Variants in GSG1L observed in about 807,000 individuals in gnomAD.
GSG1L encodes the protein germ cell-specific gene 1-like protein.
A neutral mutation model predicts 42.1 loss-of-function variants in GSG1L; 24 were observed. That is an observed-to-expected ratio of 0.57 (90% CI 0.41 to 0.80). The LOEUF (loss-of-function observed/expected upper bound fraction) is 0.80, where lower values mean the gene tolerates loss of function less well. GSG1L is among the 30% of genes least tolerant of loss of function. The pLI, the probability that GSG1L is intolerant of heterozygous loss-of-function variation, is 0.00. For missense variants in GSG1L, 445 were observed against 472.2 expected (o/e 0.94, Z 0.53); for synonymous variants, 215 against 203.5 (o/e 1.06, Z -0.48).
chr16:27,865,937 G>C (rs1271009778), intron 3 of GSG1L, among the ~76,000 whole-genome samples: 3 of 152,028 alleles, frequency 2.0e-5, no homozygotes, highest in African/African-American at 7.2e-5. Flanking sequence ...CTGAGCTCAA[G>C]TGATCCTCCC....
intron 2 of GSG1L, among the ~76,000 whole-genome samples, chr16:27,891,557 T>C (rs372604614): frequency 5.3e-5 from 8 of 152,132 alleles, no homozygotes; most frequent in African/African-American, 1.9e-4. Context: ...ACTGCAGCCT[T>C]AACCTCCTGA....
intron 5 of GSG1L, among the ~76,000 whole-genome samples, chr16:27,827,925 T>TCATCCATC (rs1168416050): frequency 1.3e-5 from 1 of 78,852 alleles, no homozygotes; most frequent in Non-Finnish European, 2.8e-5. Context: ...CATCCACCAC[T>TCATCCATC]CATCCATCCA....
chr16:27,884,708 C>A lies in GSG1L; in HGVS notation c.398-70G>T. The A allele has an allele frequency of 7.0e-7, 1 of 1,425,532 alleles. No individual in the cohort carries two copies. The highest frequency in any genetic ancestry group is 9.5e-7 in the Non-Finnish European group (1 of 1,047,310). The allele number at this position is 1,425,532 out of a possible 1,614,324, so 88.3% of individuals were successfully genotyped here. On this transcript the variant is annotated intron_variant, in intron 2 of 6. Transcript: ENST00000447459. The surrounding 1 kb of genome is among the most constrained non-coding windows in gnomAD (Gnocchi z 4.4). ...AGATAGACTCACCCTGTGCCTATTC[C>A]TCCCACAACAGCAGAGGGTAGCAAG...
chr16:27,875,852 G>A (rs734432), intron 3 of GSG1L, among the ~76,000 whole-genome samples: 49,965 of 152,048 alleles, frequency 0.33, 8,410 homozygotes, highest in African/African-American at 0.4. Flanking sequence ...TGGGCTACTT[G>A]TAGCCATCCT....
At chr16:27,979,171 A>G (rs1374068955) in intron 1 of GSG1L, among the ~76,000 whole-genome samples, 1 of 152,186 alleles carries the variant, frequency 6.6e-6, no homozygotes, top group African/African-American at 2.4e-5. Flanking sequence ...CAAACAAGCC[A>G]GGCATGGTGG....
intron 1 of GSG1L, among the ~76,000 whole-genome samples, chr16:28,000,471 T>A (rs2085569139): frequency 1.3e-5 from 2 of 152,236 alleles, no homozygotes; most frequent in South Asian, 4.1e-4. Context: ...AGGAGTTGGC[T>A]GGGTCTTGCA....
At chr16:27,881,417 T>G (rs528873633) in intron 3 of GSG1L, among the ~76,000 whole-genome samples, 2 of 152,078 alleles carry the variant, frequency 1.3e-5, no homozygotes, top group South Asian at 4.2e-4. Context: ...AATTTTTGTA[T>G]TTTTAGTAGA....
chr16:27,867,277 C>T (rs1225656831), intron 3 of GSG1L, among the ~76,000 whole-genome samples: 2 of 152,200 alleles, frequency 1.3e-5, no homozygotes. Context: ...CTGCATGGCT[C>T]TCAGCCCAGC....
At chr16:28,014,843 A>G (rs1383928934) in intron 1 of GSG1L, among the ~76,000 whole-genome samples, 1 of 151,894 alleles carries the variant, frequency 6.6e-6, no homozygotes, top group East Asian at 1.9e-4. Flanking sequence ...ATGAATACCT[A>G]TTTGGTATAA....
At chr16:27,799,646 A>G (rs1006568900) in intron 6 of GSG1L, among the ~76,000 whole-genome samples, 2 of 152,136 alleles carry the variant, frequency 1.3e-5, no homozygotes, top group African/African-American at 2.4e-5. Context: ...GCAGGAGGGG[A>G]AGGCGAGAGA....
intron 2 of GSG1L, among the ~76,000 whole-genome samples, chr16:27,892,449 C>T (rs1045261463): frequency 6.6e-6 from 1 of 151,800 alleles, no homozygotes; most frequent in African/African-American, 2.4e-5. Context: ...GAAGCGAGAC[C>T]CTGTCTCAAA....
chr16:27,906,954 G>A (rs781676012), intron 2 of GSG1L, among the ~76,000 whole-genome samples: 19 of 152,082 alleles, frequency 1.2e-4, no homozygotes, highest in Admixed American at 6.5e-4. Context: ...CTTGGAAATA[G>A]AACCCACTTT....
chr16:27,997,098 G>T (rs968867388), intron 1 of GSG1L, among the ~76,000 whole-genome samples: 3 of 152,110 alleles, frequency 2.0e-5, no homozygotes, highest in East Asian at 1.9e-4. Context: ...GTCCACCATG[G>T]TTCTCACTAG....
At chr16:28,054,351 T>C (rs1261974836) in intron 1 of GSG1L, among the ~76,000 whole-genome samples, 1 of 152,146 alleles carries the variant, frequency 6.6e-6, no homozygotes, top group Admixed American at 6.5e-5. Context: ...TGGGGCCAAG[T>C]CCTCTTCCAT....
At chr16:27,906,218 C>G (rs917775570) in intron 2 of GSG1L, among the ~76,000 whole-genome samples, 1 of 152,158 alleles carries the variant, frequency 6.6e-6, no homozygotes, top group Non-Finnish European at 1.5e-5. Context: ...TTAATTCAAC[C>G]TCTCTCGTAA....
intron 4 of GSG1L, among the ~76,000 whole-genome samples, chr16:27,830,007 A>C (rs982258167): frequency 6.6e-6 from 1 of 152,184 alleles, no homozygotes; most frequent in Admixed American, 6.5e-5. Flanking sequence ...CTTGATGTAC[A>C]TGCTGAGCCC....
chr16:27,895,872 G>A (rs974706475), intron 2 of GSG1L, among the ~76,000 whole-genome samples: 5 of 152,244 alleles, frequency 3.3e-5, no homozygotes, highest in African/African-American at 9.6e-5. Context: ...ACGTGGGGAT[G>A]TGATTCCATT....
intron 3 of GSG1L, among the ~76,000 whole-genome samples, chr16:27,865,554 TATATATATATATATATATAC>T (rs1462506180): frequency 0.023 from 650 of 28,582 alleles, 63 homozygotes; most frequent in Non-Finnish European, 0.031. Flanking sequence ...TATATATATA[TATATATATATATATATATAC>T]ACACACACAT....
chr16:27,967,730 C>T (rs1025292730), intron 1 of GSG1L, among the ~76,000 whole-genome samples: 3 of 152,222 alleles, frequency 2.0e-5, no homozygotes, highest in Admixed American at 6.5e-5. Flanking sequence ...CTGGCCAACA[C>T]GGAGAAACCC....
Sources: gnomAD v4.1 joint callset for allele counts (sites outside exome capture counted in the v4.1 genomes callset) on GRCh38, gnomAD v4.1.1 for gene constraint, Gnocchi (gnomAD v3.1) non-coding constraint, MANE v1.5 for transcripts, NCBI Gene and HGNC (gene_info 2026-07-23, HGNC 2026-07-21) for gene names.